Variants in SUGCT observed in about 807,000 individuals in gnomAD.
SUGCT encodes succinyl-CoA:glutarate-CoA transferase.
Under a neutral mutation model 55.0 loss-of-function variants are expected in SUGCT, and 41 were observed. That is an observed-to-expected ratio of 0.74 (90% CI 0.58 to 0.97). The LOEUF is 0.97. SUGCT is among the 50% of genes least tolerant of loss of function. The probability of loss-of-function intolerance (pLI) is 0.00; values close to 1 mark genes in which losing one functional copy is unlikely to be tolerated. For synonymous variants in SUGCT, 187 were observed against 200.4 expected, an observed-to-expected ratio of 0.93 and a Z score of 0.56; for missense variants, 568 against 547.8, an observed-to-expected ratio of 1.04 and a Z score of -0.37.
chr7:40,504,582 G>A (rs895999596), intron 12 of SUGCT, among the ~76,000 whole-genome samples: 3 of 151,966 alleles, frequency 2.0e-5, no homozygotes, highest in African/African-American at 7.3e-5. Context: ...TTAGAAGGGC[G>A]TGCCACCACA....
At chr7:40,445,579 C>A (rs1056607959) in intron 9 of SUGCT, among the ~76,000 whole-genome samples, 1 of 152,120 alleles carries the variant, frequency 6.6e-6, no homozygotes, top group Admixed American at 6.6e-5. Context: ...CAAAGAGGAA[C>A]TGGTACCATT....
chr7:40,635,682 T>C (rs1329104547), intron 12 of SUGCT, among the ~76,000 whole-genome samples: 2 of 152,238 alleles, frequency 1.3e-5, no homozygotes, highest in Admixed American at 6.5e-5. Flanking sequence ...TTATTGTCTC[T>C]TCTTCTGCCA....
intron 12 of SUGCT, among the ~76,000 whole-genome samples, chr7:40,546,000 T>A (rs964406216): frequency 6.6e-6 from 1 of 152,210 alleles, no homozygotes; most frequent in Non-Finnish European, 1.5e-5. Flanking sequence ...ATACATCATA[T>A]GGATCACATG....
intron 13 of SUGCT, among the ~76,000 whole-genome samples, chr7:40,806,944 T>C (rs1791130239): frequency 6.6e-6 from 1 of 152,256 alleles, no homozygotes; most frequent in African/African-American, 2.4e-5. Flanking sequence ...CCTCTTTATA[T>C]ATAAGTTTCC....
At chr7:40,233,564 G>T (rs1057037947) in intron 6 of SUGCT, among the ~76,000 whole-genome samples, 3 of 152,046 alleles carry the variant, frequency 2.0e-5, no homozygotes, top group African/African-American at 7.2e-5. Flanking sequence ...AAGATTCCAC[G>T]TACAAAATAT....
chr7:40,702,123 A>C (rs1218699392), intron 12 of SUGCT, among the ~76,000 whole-genome samples: 1 of 152,152 alleles, frequency 6.6e-6, no homozygotes, highest in African/African-American at 2.4e-5. Context: ...AGCCACCAAA[A>C]ACCTGAACTC....
Position 40,568,363 on chromosome 7 carries a change from G to A in SUGCT, c.1089+71977G>A, listed in dbSNP as rs561934928. On this transcript the variant is annotated intron_variant, in intron 12 of 13. Coordinates refer to ENST00000335693, the MANE Select transcript of SUGCT (RefSeq NM_001193313.2). ...CACACACACACACCCCTCAAGAACA[G>A]GGTCAAAAACAGATGGAAAACTCCA... 3.3e-5 allele frequency among the ~76,000 whole-genome samples: 5 copies of A among 152,084 alleles called. No homozygotes were observed. In the South Asian group the frequency reaches 1.0e-3, roughly 32 times the overall value.
At chr7:40,738,154 A>G (rs1331865234) in intron 12 of SUGCT, among the ~76,000 whole-genome samples, 4 of 150,282 alleles carry the variant, frequency 2.7e-5, no homozygotes, top group African/African-American at 9.8e-5. Context: ...CCAAGATCAC[A>G]GCACTGCACT....
intron 9 of SUGCT, among the ~76,000 whole-genome samples, chr7:40,408,513 T>C (rs1388493664): frequency 6.6e-6 from 1 of 152,222 alleles, no homozygotes; most frequent in African/African-American, 2.4e-5. Context: ...TCAGCCATTT[T>C]CTTTTTCACA....
intron 8 of SUGCT, among the ~76,000 whole-genome samples, chr7:40,284,569 C>G (rs1451898925): frequency 6.9e-6 from 1 of 144,746 alleles, no homozygotes; most frequent in Non-Finnish European, 1.5e-5. Context: ...GATTGCACCA[C>G]TGCACTCCAG....
At chr7:40,697,631 C>T (rs1291279613) in intron 12 of SUGCT, among the ~76,000 whole-genome samples, 1 of 152,092 alleles carries the variant, frequency 6.6e-6, no homozygotes, top group Admixed American at 6.6e-5. Context: ...GAATGAGACT[C>T]CATCTCAAAA....
the SUGCT span, among the ~76,000 whole-genome samples, chr7:40,895,579 A>G: frequency 2.0e-5 from 3 of 152,216 alleles, no homozygotes; most frequent in Non-Finnish European, 4.4e-5. Context: ...TATTAACAGA[A>G]TGAAATAAAA....
chr7:40,353,992 G>A (rs1170471453), intron 9 of SUGCT, among the ~76,000 whole-genome samples: 2 of 152,076 alleles, frequency 1.3e-5, no homozygotes, highest in Non-Finnish European at 2.9e-5. Context: ...ACAAGAGACC[G>A]GGAAGTAGCC....
chr7:40,153,228 AT>A, intron 1 of SUGCT: 1 of 390,536 alleles, frequency 2.6e-6, no homozygotes. Flanking sequence ...GTAGGTGATG[AT>A]TTGGCATCTT....
intron 12 of SUGCT, among the ~76,000 whole-genome samples, chr7:40,612,777 A>T (rs1053081697): frequency 6.6e-6 from 1 of 152,274 alleles, no homozygotes; most frequent in African/African-American, 2.4e-5. Context: ...ATTAGCTAAC[A>T]TGATTATTAG....
the SUGCT span, among the ~76,000 whole-genome samples, chr7:41,030,851 C>T: frequency 1.3e-5 from 2 of 152,058 alleles, no homozygotes; most frequent in Non-Finnish European, 1.5e-5. Context: ...ACAGGTCAGA[C>T]CACCCCCAAG....
chr7:40,711,193 C>T (rs1323840249), intron 12 of SUGCT, among the ~76,000 whole-genome samples: 1 of 152,218 alleles, frequency 6.6e-6, no homozygotes. Context: ...CAGAGAGCAA[C>T]TCCGACCCAG....
intron 12 of SUGCT, among the ~76,000 whole-genome samples, chr7:40,621,742 C>T (rs1416369353): frequency 6.6e-6 from 1 of 152,112 alleles, no homozygotes; most frequent in Non-Finnish European, 1.5e-5. Context: ...TAATGCAGAC[C>T]ATCTGGCTAT....
chr7:40,864,305 C>T (rs967964054), downstream of SUGCT, among the ~76,000 whole-genome samples: 3 of 152,152 alleles, frequency 2.0e-5, no homozygotes, highest in Non-Finnish European at 4.4e-5. Context: ...TACAGGTGTG[C>T]ACCACCACTG....
Sources: gnomAD v4.1 joint callset for allele counts (sites outside exome capture counted in the v4.1 genomes callset) on GRCh38, gnomAD v4.1.1 for gene constraint, MANE v1.5 for transcripts, NCBI Gene and HGNC (gene_info 2026-07-23, HGNC 2026-07-21) for gene names.